The following TRAK1 variants were observed in gnomAD, a reference collection of about 807,000 sequenced individuals.
TRAK1 encodes the protein trafficking kinesin-binding protein 1.
A neutral mutation model predicts 92.1 loss-of-function variants in TRAK1; 33 were observed. That is an observed-to-expected ratio of 0.36 (90% CI 0.27 to 0.48). TRAK1 has a LOEUF of 0.48. TRAK1 is among the 20% of genes least tolerant of loss of function. The pLI is 0.99. For synonymous variants in TRAK1, 521 were observed against 517.3 expected, an observed-to-expected ratio of 1.01 and a Z score of -0.10; for missense variants, 1,123 against 1,257.9, an observed-to-expected ratio of 0.89 and a Z score of 1.62.
At chr3:42,198,671 GTC>G (rs1461250272) in intron 10 of TRAK1, among the ~76,000 whole-genome samples, 1 of 152,128 alleles carries the variant, frequency 6.6e-6, no homozygotes, top group African/African-American at 2.4e-5. Flanking sequence ...GAGGCCCTTG[GTC>G]TATTCTTGGT....
chr3:42,158,571 CTTTTTTTTTTTT>C lies in TRAK1; in HGVS notation c.287-18233_287-18222del, dbSNP rs10522929. ...GAACTCCCTGCCTGAATTTCTACAC[CTTTTTTTTTTTT>C]TTTTTTTTTGGCTAAGAACACATCT... On this transcript the variant is annotated intron_variant, in intron 2 of 15. Coordinates refer to ENST00000327628, the MANE Select transcript of TRAK1 (RefSeq NM_001042646.3). Among the ~76,000 whole-genome samples the C allele has an allele frequency of 9.9e-3, 1,464 of 147,424 alleles. 17 individuals are homozygous for C. The highest frequency in any genetic ancestry group is 0.014 in the Non-Finnish European group (951 of 67,200).
intron 13 of TRAK1, among the ~76,000 whole-genome samples, chr3:42,205,589 A>AT (rs991930002): frequency 6.6e-6 from 1 of 152,208 alleles, no homozygotes; most frequent in Non-Finnish European, 1.5e-5. Context: ...GGCGGGCAGT[A>AT]TTTTTTTCCT....
chr3:42,131,950 T>G (rs1316318835), intron 2 of TRAK1, among the ~76,000 whole-genome samples: 1 of 147,312 alleles, frequency 6.8e-6, no homozygotes, highest in Non-Finnish European at 1.5e-5. Context: ...CACCTTGTAG[T>G]CCCAGCTACT....
intron 1 of TRAK1, among the ~76,000 whole-genome samples, chr3:42,054,229 A>G (rs564568967): frequency 1.2e-4 from 19 of 152,254 alleles, no homozygotes; most frequent in Non-Finnish European, 2.4e-4. Context: ...CTTTGTCAAC[A>G]TAATCAATAA....
intron 14 of TRAK1, among the ~76,000 whole-genome samples, chr3:42,215,529 G>A (rs1339547151): frequency 6.6e-6 from 1 of 151,794 alleles, no homozygotes; most frequent in Non-Finnish European, 1.5e-5. Flanking sequence ...TGTGTGTACT[G>A]GTTGAGGAGT....
At chr3:42,218,504 A>G (rs919496547) in intron 14 of TRAK1, 28 of 984,254 alleles carry the variant, frequency 2.8e-5, no homozygotes, top group Non-Finnish European at 3.4e-5. Flanking sequence ...TATTTCGGGC[A>G]GCATCTTTTT....
intron 13 of TRAK1, among the ~76,000 whole-genome samples, chr3:42,204,536 C>A (rs1399863581): frequency 1.3e-5 from 2 of 152,174 alleles, no homozygotes; most frequent in Non-Finnish European, 2.9e-5. Context: ...CCTCATGATA[C>A]AGATTCTTTT....
intron 2 of TRAK1, among the ~76,000 whole-genome samples, chr3:42,144,267 TA>T (rs34065536): frequency 0.43 from 63,464 of 148,816 alleles, 13,843 homozygotes; most frequent in East Asian, 0.49. Flanking sequence ...TTATTTCCCT[TA>T]AAAAAAAAAA....
rs547199415 is a variant in TRAK1 at position 42,170,707 on chromosome 3, G to A, written c.287-6107G>A. Among the ~76,000 whole-genome samples the A allele has an allele frequency of 5.3e-5, 8 of 152,174 alleles. No individual in the cohort carries two copies. In the South Asian group the frequency reaches 1.5e-3, roughly 28 times the overall value. ...GAGGAAAAATTATTGAGGGGAGGGTGGAGCTCAGTTTCTTGATAAAACTTT... is the reference window on the plus strand; with the variant it reads ...GAGGAAAAATTATTGAGGGGAGGGTAGAGCTCAGTTTCTTGATAAAACTTT... On this transcript the variant is annotated intron_variant, in intron 2 of 15. Coordinates refer to ENST00000327628, the MANE Select transcript of TRAK1 (RefSeq NM_001042646.3).
At chr3:42,080,155 G>T (rs1167246523) in intron 1 of TRAK1, among the ~76,000 whole-genome samples, 3 of 152,160 alleles carry the variant, frequency 2.0e-5, no homozygotes, top group Non-Finnish European at 4.4e-5. Context: ...ATCGGTTGAG[G>T]GTAGCGGGGA....
chr3:42,083,874 AAAAATAAATAAAT>A (rs1302771298), upstream of TRAK1, among the ~76,000 whole-genome samples: 2 of 152,084 alleles, frequency 1.3e-5, no homozygotes, highest in East Asian at 3.9e-4. Flanking sequence ...CTGTCTTTAA[AAAAATAAATAAAT>A]AAAATAAATA....
intron 1 of TRAK1, among the ~76,000 whole-genome samples, chr3:42,104,598 C>T (rs1409124869): frequency 1.3e-5 from 2 of 152,196 alleles, no homozygotes; most frequent in East Asian, 1.9e-4. Flanking sequence ...TGGAGTGGAC[C>T]TCCAGCAAAC....
chr3:42,104,215 C>G (rs1297552978), intron 1 of TRAK1, among the ~76,000 whole-genome samples: 1 of 152,162 alleles, frequency 6.6e-6, no homozygotes, highest in Non-Finnish European at 1.5e-5. Flanking sequence ...GGAGGCCTGC[C>G]TGCCTCTGTA....
chr3:42,210,163 T>C, intron 14 of TRAK1, 178 bp downstream of exon 14: 1 of 1,592,310 alleles, frequency 6.3e-7, no homozygotes, highest in Non-Finnish European at 8.5e-7. Flanking sequence ...TTGGCACCTT[T>C]CCCGGAGGCA....
intron 2 of TRAK1, chr3:42,160,441 G>A: frequency 6.2e-7 from 1 of 1,614,234 alleles, no homozygotes; most frequent in Non-Finnish European, 8.5e-7. Context: ...CCAACCCACA[G>A]GCAGCATGAC....
At chr3:42,070,328 T>C (rs1334235853) in intron 1 of TRAK1, among the ~76,000 whole-genome samples, 2 of 150,310 alleles carry the variant, frequency 1.3e-5, no homozygotes, top group African/African-American at 4.9e-5. Context: ...ATTGCCAGTT[T>C]GACAGATAAC....
intron 1 of TRAK1, among the ~76,000 whole-genome samples, chr3:42,099,130 G>C (rs1026857693): frequency 6.6e-6 from 1 of 152,142 alleles, no homozygotes; most frequent in Non-Finnish European, 1.5e-5. Context: ...TAGGAGGGCC[G>C]TGGAGGTCCC....
At chr3:42,184,278 A>T (rs905329322) in intron 3 of TRAK1, among the ~76,000 whole-genome samples, 1 of 152,258 alleles carries the variant, frequency 6.6e-6, no homozygotes, top group Non-Finnish European at 1.5e-5. Flanking sequence ...TTATTCATTC[A>T]TTCACTTAAC....
At chr3:42,057,921 G>A (rs1470086250) in intron 1 of TRAK1, among the ~76,000 whole-genome samples, 1 of 152,186 alleles carries the variant, frequency 6.6e-6, no homozygotes, top group Non-Finnish European at 1.5e-5. Flanking sequence ...ACTGAAAGGC[G>A]TTTTCATTTT....
Sources: allele counts gnomAD v4.1 joint callset (sites outside exome capture counted in the v4.1 genomes callset), GRCh38; gene constraint gnomAD v4.1.1; transcripts MANE v1.5; gene names NCBI Gene and HGNC (gene_info 2026-07-23, HGNC 2026-07-21).